The following FANCL variants were observed in gnomAD, a reference collection of about 807,000 sequenced individuals.
The protein encoded by FANCL is E3 ubiquitin-protein ligase FANCL.
Under a neutral mutation model 59.4 loss-of-function variants are expected in FANCL, and 69 were observed. That is an observed-to-expected ratio of 1.16 (90% CI 0.96 to 1.42). The LOEUF is 1.42. Ranked by LOEUF, FANCL falls within the 40% of genes most tolerant of loss-of-function variation. The pLI, the probability that FANCL is intolerant of heterozygous loss-of-function variation, is 0.00. For synonymous variants in FANCL, 180 were observed against 147.1 expected, an observed-to-expected ratio of 1.22 and a Z score of -1.62; for missense variants, 519 against 447.2, an observed-to-expected ratio of 1.16 and a Z score of -1.45.
intron 1 of FANCL, among the ~76,000 whole-genome samples, chr2:58,235,126 T>C (rs1023773888): frequency 1.5e-4 from 23 of 152,014 alleles, no homozygotes; most frequent in African/African-American, 5.3e-4. Context: ...CCAACAATTG[T>C]ACAATTCGCA....
intron 1 of FANCL, among the ~76,000 whole-genome samples, chr2:58,233,946 G>A (rs552912682): frequency 1.3e-5 from 2 of 151,102 alleles, no homozygotes; most frequent in South Asian, 2.2e-4. Flanking sequence ...TCTTATACGA[G>A]TAAATAAAAA....
chr2:58,178,307 C>G (rs968967058), intron 7 of FANCL, among the ~76,000 whole-genome samples: 1 of 151,774 alleles, frequency 6.6e-6, no homozygotes. Context: ...GCCAATATCC[C>G]TGAACATCAG....
chr2:58,160,623 G>C (rs1181498449), intron 12 of FANCL, among the ~76,000 whole-genome samples: 1 of 151,774 alleles, frequency 6.6e-6, no homozygotes, highest in Admixed American at 6.6e-5. Flanking sequence ...ACTAACAGTG[G>C]GTTAATTTTC....
chr2:58,227,366 T>C (rs537359728), intron 3 of FANCL, among the ~76,000 whole-genome samples: 1 of 152,166 alleles, frequency 6.6e-6, no homozygotes, highest in Admixed American at 6.5e-5. Flanking sequence ...CTTGGTGTAC[T>C]GGAAAAATTG....
intron 1 of FANCL, among the ~76,000 whole-genome samples, chr2:58,237,462 T>C (rs985708041): frequency 6.6e-6 from 1 of 152,068 alleles, no homozygotes; most frequent in African/African-American, 2.4e-5. Flanking sequence ...GCTAAACCAG[T>C]ATTCAAAAGA....
At chr2:58,241,372 C>T (rs892541996), upstream of FANCL, 46 of 1,547,772 alleles carry the variant, frequency 3.0e-5, no homozygotes, top group African/African-American at 5.6e-4. Context: ...TGCACATGCG[C>T]AGTCCGCTGG....
chr2:58,215,641 G>C (rs1207802958), intron 5 of FANCL, among the ~76,000 whole-genome samples: 1 of 151,718 alleles, frequency 6.6e-6, no homozygotes, highest in African/African-American at 2.4e-5. Context: ...TATCAATTCT[G>C]GCACAGGGCA....
intron 8 of FANCL, among the ~76,000 whole-genome samples, chr2:58,164,098 A>C (rs897847142): frequency 6.6e-6 from 1 of 152,078 alleles, no homozygotes; most frequent in Non-Finnish European, 1.5e-5. Context: ...AACCAAAACA[A>C]TAAGTAACCT....
At chr2:58,231,965 C>T in intron 2 of FANCL, 89 bp downstream of exon 2, 1 of 1,107,556 alleles carries the variant, frequency 9.0e-7, no homozygotes, top group South Asian at 1.3e-5. Flanking sequence ...TTAGGCAAAA[C>T]TCTAGTCACT....
rs374683786 is a variant in FANCL, at chr2:58,159,355, A to G, written c.*410T>C. 1.9e-5 allele frequency: 30 copies of G among 1,601,788 alleles called. No individual in the cohort carries two copies. In the African/African-American group the frequency reaches 3.8e-4, roughly 20 times the overall value. ...ATATGTATTTTTTCCATAGGAAAGC[A>G]CAAGGAGAAGACAGAAATATCAAGA... is the stretch of plus-strand genomic sequence containing the variant. On this transcript the variant is annotated 3_prime_UTR_variant, in exon 14 of 14. Coordinates refer to ENST00000233741, the MANE Select transcript of FANCL (RefSeq NM_018062.4).
At chr2:58,164,011 T>C (rs1383063292) in intron 8 of FANCL, among the ~76,000 whole-genome samples, 1 of 152,036 alleles carries the variant, frequency 6.6e-6, no homozygotes, top group Non-Finnish European at 1.5e-5. Context: ...ACATTTTCTG[T>C]ATTATTTTGC....
chr2:58,191,455 G>A (rs886916096), intron 7 of FANCL, among the ~76,000 whole-genome samples: 2 of 151,800 alleles, frequency 1.3e-5, no homozygotes, highest in African/African-American at 4.8e-5. Context: ...ATAAAACTGT[G>A]AAACCAAACA....
At chr2:58,182,449 A>C (rs1688021683) in intron 7 of FANCL, among the ~76,000 whole-genome samples, 1 of 151,878 alleles carries the variant, frequency 6.6e-6, no homozygotes, top group South Asian at 2.1e-4. Context: ...GGCACCCTTA[A>C]GAACATTTTC....
chr2:58,206,244 A>C (rs1690570423), intron 5 of FANCL, among the ~76,000 whole-genome samples: 1 of 152,180 alleles, frequency 6.6e-6, no homozygotes, highest in Admixed American at 6.5e-5. Context: ...AAAGCAAAAG[A>C]GAAATAATAC....
At chr2:58,237,119 T>A (rs968470111) in intron 1 of FANCL, among the ~76,000 whole-genome samples, 5 of 152,094 alleles carry the variant, frequency 3.3e-5, no homozygotes, top group Non-Finnish European at 7.4e-5. Flanking sequence ...TGAACCAATT[T>A]GACCTAACTG....
At chr2:58,179,491 T>C (rs949924888) in intron 7 of FANCL, among the ~76,000 whole-genome samples, 2 of 152,164 alleles carry the variant, frequency 1.3e-5, no homozygotes, top group African/African-American at 4.8e-5. Context: ...GGGAAAGGAT[T>C]CCCTATTTAT....
At chr2:58,198,425 A>G (rs1428886114) in intron 7 of FANCL, among the ~76,000 whole-genome samples, 169 bp downstream of exon 7, 1 of 152,164 alleles carries the variant, frequency 6.6e-6, no homozygotes, top group African/African-American at 2.4e-5. Flanking sequence ...TATACAGAAG[A>G]GTGTGCACAG....
intron 3 of FANCL, among the ~76,000 whole-genome samples, chr2:58,227,538 C>CCGGA (rs1277511315): frequency 6.6e-6 from 1 of 152,174 alleles, no homozygotes; most frequent in African/African-American, 2.4e-5. Context: ...CGTCATTCTG[C>CCGGA]CGGTCAATGG....
chr2:58,210,900 CCT>C (rs1478608606), intron 5 of FANCL, among the ~76,000 whole-genome samples: 1 of 152,154 alleles, frequency 6.6e-6, no homozygotes, highest in Non-Finnish European at 1.5e-5. Flanking sequence ...GAGCTAGACC[CCT>C]GTGATTTTGC....
Sources: allele counts gnomAD v4.1 joint callset (sites outside exome capture counted in the v4.1 genomes callset), GRCh38; gene constraint gnomAD v4.1.1; transcripts MANE v1.5; gene names NCBI Gene and HGNC (gene_info 2026-07-23, HGNC 2026-07-21).